The following PRKDC variants were observed in gnomAD, a reference collection of about 807,000 sequenced individuals.
PRKDC encodes the protein protein kinase, DNA-activated, catalytic subunit, also known as DNA-dependent protein kinase catalytic subunit.
In PRKDC, 82 loss-of-function variants were observed where a neutral mutation model predicts 486.9. The ratio of observed to expected loss-of-function variants is 0.17; its 90% confidence interval spans 0.14 to 0.20. The LOEUF is 0.20. PRKDC is among the 10% of genes least tolerant of loss of function. The pLI, the probability that PRKDC is intolerant of heterozygous loss-of-function variation, is 1.00. For missense variants in PRKDC, 4,504 were observed against 5,038.2 expected (o/e 0.89, Z 3.21); for synonymous variants, 1,895 against 1,837.0 (o/e 1.03, Z -0.81).
intron 55 of PRKDC, 53 bp downstream of exon 55, chr8:47,839,963 C>T: frequency 7.1e-7 from 1 of 1,414,038 alleles, no homozygotes; most frequent in East Asian, 2.5e-5. Flanking sequence ...GTCGACAGAG[C>T]AAGACCTTAT....
intron 7 of PRKDC, among the ~76,000 whole-genome samples, chr8:47,949,899 T>C (rs1279379441): frequency 6.6e-6 from 1 of 152,202 alleles, no homozygotes; most frequent in Non-Finnish European, 1.5e-5. Context: ...AATCATTGGA[T>C]ATAAGTAATT....
intron 25 of PRKDC, among the ~76,000 whole-genome samples, chr8:47,909,229 A>G (rs1030765788): frequency 6.6e-6 from 1 of 152,234 alleles, no homozygotes; most frequent in African/African-American, 2.4e-5. Flanking sequence ...GAGCCGAGGC[A>G]GAAGAACGTA....
chr8:47,825,504 CAAAAAAAAAAAAAA>C (rs397891351), intron 63 of PRKDC, among the ~76,000 whole-genome samples: 1 of 10,250 alleles, frequency 9.8e-5, no homozygotes, highest in South Asian at 4.5e-3. Context: ...AAGACTGTCT[CAAAAAAAAAAAAAA>C]AAAAAAAAAA....
chr8:47,905,071 TTAAG>T, intron 25 of PRKDC, 95 bp from the exon 26 acceptor site: 1 of 879,032 alleles, frequency 1.1e-6, no homozygotes. Context: ...CAGTATAAAA[TTAAG>T]TAATACTACT....
intron 1 of PRKDC, 149 bp downstream of exon 1, chr8:47,959,824 T>G: frequency 7.3e-7 from 1 of 1,370,602 alleles, no homozygotes; most frequent in Non-Finnish European, 9.6e-7. Flanking sequence ...CAAATCCCTT[T>G]ATACACATAC....
At chr8:47,798,690 C>T (rs1220266701) in intron 72 of PRKDC, among the ~76,000 whole-genome samples, 1 of 152,104 alleles carries the variant, frequency 6.6e-6, no homozygotes, top group Non-Finnish European at 1.5e-5. Flanking sequence ...AAGCAGGCCA[C>T]ACGAGCCAGT....
intron 36 of PRKDC, among the ~76,000 whole-genome samples, chr8:47,883,326 G>A (rs180699015): frequency 5.3e-4 from 80 of 152,272 alleles, no homozygotes; most frequent in African/African-American, 1.7e-3. Flanking sequence ...TTTTTCTCCA[G>A]TGGAAACCTG....
chr8:47,814,801 T>C (rs2154498738), intron 68 of PRKDC, among the ~76,000 whole-genome samples: 1 of 152,328 alleles, frequency 6.6e-6, no homozygotes, highest in East Asian at 1.9e-4. Context: ...TTTTTCTTTA[T>C]ACAAATTGAC....
intron 50 of PRKDC, among the ~76,000 whole-genome samples, chr8:47,854,474 G>T (rs1045184035): frequency 2.0e-5 from 3 of 152,092 alleles, no homozygotes; most frequent in African/African-American, 7.2e-5. Flanking sequence ...AAGCAGCTGG[G>T]ACTACAGACG....
intron 32 of PRKDC, among the ~76,000 whole-genome samples, chr8:47,889,946 A>G (rs913238415): frequency 6.6e-6 from 1 of 152,162 alleles, no homozygotes; most frequent in African/African-American, 2.4e-5. Context: ...CCATACCACA[A>G]GGCAGAGCAT....
intron 45 of PRKDC, 25 bp from the exon 46 acceptor site, chr8:47,859,784 T>C (rs771749431): frequency 1.3e-6 from 2 of 1,582,892 alleles, no homozygotes; most frequent in East Asian, 4.5e-5. Flanking sequence ...AGGAGAAAAT[T>C]ACATGTATTC....
chr8:47,834,792 G>A (rs1448828187), intron 58 of PRKDC, among the ~76,000 whole-genome samples: 4 of 147,102 alleles, frequency 2.7e-5, no homozygotes, highest in Non-Finnish European at 5.9e-5. Context: ...CCGGGTTCAC[G>A]CCATTCTCCT....
chr8:47,821,930 C>T lies in PRKDC; in HGVS notation c.8923-138G>A, dbSNP rs564859653. On this transcript the variant is annotated intron_variant, in intron 64 of 85. Coordinates refer to ENST00000314191, the MANE Select transcript of PRKDC (RefSeq NM_006904.7). ...ACGGAAAGGAGAGAGAAAAGAGAAG[C>T]TATTCAGAGTAACACTGAATGGAAG... 1.9e-4 allele frequency: 163 copies of T among 853,612 alleles called. 1 individual carries two copies. The highest frequency in any genetic ancestry group is 1.1e-3 in the Middle Eastern group (3 of 2,836). The allele number at this position is 853,612 out of a possible 1,614,324, so 52.9% of individuals were successfully genotyped here.
In PRKDC at chr8:47,784,644, C is replaced by G. The variant is rs532628110; in HGVS notation, c.11107+469G>C. Among the ~76,000 whole-genome samples the G allele has an allele frequency of 2.6e-5, 4 of 151,930 alleles. No individual in the cohort carries two copies. In the South Asian group the frequency reaches 8.3e-4, roughly 32 times the overall value. ...AATCTGGCCAATTTGCTGTGCATCT[C>G]TATCCTTAATATTATGATCTTTTTT... On this transcript the variant is annotated intron_variant, in intron 77 of 85. Transcript: ENST00000314191.
intron 14 of PRKDC, among the ~76,000 whole-genome samples, 190 bp from the exon 15 acceptor site, chr8:47,934,280 G>A (rs2090308704): frequency 6.6e-6 from 1 of 152,250 alleles, no homozygotes; most frequent in African/African-American, 2.4e-5. Context: ...GCTCACACCT[G>A]TAATCCCAGC....
At chr8:47,793,035 C>T (rs2086908649) in intron 74 of PRKDC, among the ~76,000 whole-genome samples, 1 of 152,156 alleles carries the variant, frequency 6.6e-6, no homozygotes. Context: ...TCACGCACCA[C>T]CATGCTTAGC....
intron 21 of PRKDC, among the ~76,000 whole-genome samples, chr8:47,924,325 G>A (rs944791603): frequency 2.6e-5 from 4 of 152,120 alleles, no homozygotes; most frequent in South Asian, 2.1e-4. Context: ...TTGGGAGGCC[G>A]AGGTGGGCAG....
chr8:47,896,874 T>C (rs1326549272), intron 30 of PRKDC, among the ~76,000 whole-genome samples: 1 of 152,202 alleles, frequency 6.6e-6, no homozygotes, highest in Non-Finnish European at 1.5e-5. Flanking sequence ...AAACTTGTCA[T>C]TATTTCAGTC....
chr8:47,790,591 G>A (rs2086866508), intron 74 of PRKDC, among the ~76,000 whole-genome samples: 1 of 152,130 alleles, frequency 6.6e-6, no homozygotes, highest in Non-Finnish European at 1.5e-5. Flanking sequence ...AAAAGACCCA[G>A]AGCAAAAAGC....
Sources: gnomAD v4.1 joint callset for allele counts (sites outside exome capture counted in the v4.1 genomes callset) on GRCh38, gnomAD v4.1.1 for gene constraint, MANE v1.5 for transcripts, NCBI Gene and HGNC (gene_info 2026-07-23, HGNC 2026-07-21) for gene names.